MAP7D1: variants seen among roughly 807,000 people sequenced by gnomAD.
MAP7D1 encodes the protein MAP7 domain containing 1.
In MAP7D1, 30 loss-of-function variants were observed where a neutral mutation model predicts 97.5. The ratio of observed to expected loss-of-function variants is 0.31; its 90% CI spans 0.23 to 0.42. The LOEUF (loss-of-function observed/expected upper bound fraction) is 0.42, where lower values mean the gene tolerates loss of function less well. Ranked by LOEUF, MAP7D1 falls within the 10% of genes least tolerant of loss-of-function variation. The pLI is 1.00. For synonymous variants in MAP7D1, 536 were observed against 477.1 expected, an observed-to-expected ratio of 1.12 and a Z score of -1.61; for missense variants, 1,184 against 1,179.5, an observed-to-expected ratio of 1.00 and a Z score of -0.06.
intron 1 of MAP7D1, 152 bp downstream of exon 1, chr1:36,156,615 GCTC>G: frequency 1.7e-6 from 1 of 580,672 alleles, no homozygotes; most frequent in South Asian, 3.9e-5. Flanking sequence ...GGCGGCGGCG[GCTC>G]CAGGCTCGCG....
Position 36,171,501 on chromosome 1 carries a change from C to G in MAP7D1, c.392-12C>G, listed in dbSNP as rs1644542904. The G allele has an allele frequency of 3.7e-6, 6 of 1,613,928 alleles. No individual in the cohort carries two copies. Among genetic ancestry groups the G allele is most frequent in the African/African-American group, 1.3e-5 (1 of 74,926 alleles). ...GCCTTTTGACCTGTCTGTTCTTGTT[C>G]CCTCTGCTCAGAGGTGAAGAAGGCA... On this transcript the variant is annotated splice_polypyrimidine_tract_variant and intron_variant, in intron 2 of 16. Transcript: ENST00000474796.
chr1:36,168,790 G>C (rs1644504288), intron 1 of MAP7D1, among the ~76,000 whole-genome samples: 1 of 152,186 alleles, frequency 6.6e-6, no homozygotes, highest in African/African-American at 2.4e-5. Context: ...AGGGTATAAT[G>C]GGTAAGGACA....
chr1:36,178,700 G>T lies in MAP7D1; in HGVS notation c.1902G>T (p.Glu634Asp). The T allele has an allele frequency of 6.5e-7, 1 of 1,533,304 alleles. No individual in the cohort carries two copies. Among genetic ancestry groups the T allele is most frequent in the Non-Finnish European group, 8.8e-7 (1 of 1,140,422 alleles). 95.0% of individuals were successfully genotyped at this position (1,533,304 alleles called of 1,614,324 possible). The change falls in exon 11 of 17, where the codon GAG (glutamate) becomes GAT (aspartate). Residue 634 changes from glutamate (E) to aspartate (D), a missense_variant. By Grantham distance (45) the Glu-to-Asp change is conservative. Coordinates refer to ENST00000474796, the MANE Select transcript of MAP7D1 (RefSeq NM_001388490.1). ...CGTCCCCCAGGCGAATGCGAGAGGA[G>T]CAGCTGGCACGGGAGGCCGAGGCCC... ...QAERDKRMRE[E>D]QLAREAEARA...
chr1:36,172,506 A>G lies in MAP7D1; in HGVS notation c.503A>G (p.Lys168Arg), dbSNP rs1398876248. ...TGGCTGGAGAAGGAGGAGAAGGCCA[A>G]GGCGCTGCGGGAGAAGCAGCTCCAG... is the stretch of plus-strand genomic sequence containing the variant. ...AVWLEKEEKA[K>R]ALREKQLQER... Residue 168 changes from lysine to arginine, a missense_variant, in exon 4 of 17, where the codon AAG becomes AGG. Transcript: ENST00000474796. 6.2e-7 allele frequency: 1 copy of G among 1,601,380 alleles called. No homozygotes were observed. Among genetic ancestry groups the G allele is most frequent in the Non-Finnish European group, 8.5e-7 (1 of 1,171,072 alleles).
In MAP7D1 at chr1:36,176,085, C is replaced by T. The variant is rs1644614682; in HGVS notation, c.851-114C>T. The T allele has an allele frequency of 7.5e-6, 9 of 1,202,166 alleles. No individual in the cohort carries two copies. The highest frequency in any genetic ancestry group is 2.9e-5 in the South Asian group (2 of 68,162). 74.5% of individuals were successfully genotyped at this position (1,202,166 alleles called of 1,614,324 possible). A position where few individuals can be genotyped will look rare whatever the true frequency, so the allele number is the denominator to read the frequency against. ...CGGTGTGATTGTGGGGAGAGGACTC[C>T]CGGGTGAGAAGCCTTGGCCTTGGCA... On this transcript the variant is annotated intron_variant, in intron 6 of 16. Transcript: ENST00000474796. This position sits in a 1 kb window ranked among gnomAD's most constrained non-coding sequence, Gnocchi z 6.1.
chr1:36,163,854 A>G (rs1454129428), intron 1 of MAP7D1, among the ~76,000 whole-genome samples: 1 of 105,518 alleles, frequency 9.5e-6, no homozygotes, highest in Non-Finnish European at 1.7e-5. Flanking sequence ...TGGAGACAGC[A>G]TCTGATTCTG....
At position 36,178,603 on chromosome 1, in the gene MAP7D1, G is replaced by T; in HGVS notation, c.1886+7G>T. 6.4e-7 allele frequency: 1 copy of T among 1,570,468 alleles called. No individual in the cohort carries two copies. The highest frequency in any genetic ancestry group is 1.2e-5 in the South Asian group (1 of 86,824). Reference sequence around the variant, plus strand: ...TGCAGGCAGAAAGGGACAAGTGAGTGCGCCTCGGGGACTGAGGGGGCCCTC... The same window carrying T: ...TGCAGGCAGAAAGGGACAAGTGAGTTCGCCTCGGGGACTGAGGGGGCCCTC... On this transcript the variant is annotated splice_region_variant and intron_variant, in intron 10 of 16. Transcript: ENST00000474796.
chr1:36,167,113 T>C (rs1000682116), intron 1 of MAP7D1, among the ~76,000 whole-genome samples: 1 of 152,092 alleles, frequency 6.6e-6, no homozygotes, highest in Admixed American at 6.5e-5. Context: ...TGATGGTATT[T>C]AAATCTGTGA....
chr1:36,176,757 G>A lies in MAP7D1; in HGVS notation c.1294G>A (p.Ala432Thr), dbSNP rs1460885124. ...AAACGAGAAGGAGAAGAGTGCCCTA[G>A]CCCGGGAGCGCAGCCTCAAGAAGCG... is the stretch of plus-strand genomic sequence containing the variant. ...RENEKEKSAL[A>T]RERSLKKRQS... Residue 432 changes from alanine to threonine, a missense_variant, in exon 8 of 17, where the codon GCC becomes ACC. Coordinates refer to ENST00000474796, the MANE Select transcript of MAP7D1 (RefSeq NM_001388490.1). The surrounding 1 kb of genome is among the most constrained non-coding windows in gnomAD (Gnocchi z 6.1). The A allele has an allele frequency of 6.2e-7, 1 of 1,603,700 alleles. No individual in the cohort carries two copies. Among genetic ancestry groups the A allele is most frequent in the South Asian group, 1.1e-5 (1 of 89,146 alleles).
chr1:36,176,548 C>G lies in MAP7D1; in HGVS notation c.1200C>G (p.Pro400=). The change falls in exon 7 of 17, where the codon CCC becomes CCG. Residue 400 remains proline, a synonymous_variant. Coordinates refer to ENST00000474796, the MANE Select transcript of MAP7D1 (RefSeq NM_001388490.1). This position sits in a 1 kb window ranked among gnomAD's most constrained non-coding sequence, Gnocchi z 6.1. ...GCAAGCCCAACGCCGGGGGCAGCCCCGCTCCGGTGCGCCGCCGGCCGGAGG... is the reference window on the plus strand; with the variant it reads ...GCAAGCCCAACGCCGGGGGCAGCCCGGCTCCGGTGCGCCGCCGGCCGGAGG... ...ERRKPNAGGS[P]APVRRRPEAS... is the part of the protein sequence containing the mutation. The G allele has an allele frequency of 6.9e-7, 1 of 1,447,210 alleles. No homozygotes were observed. Among genetic ancestry groups the G allele is most frequent in the Non-Finnish European group, 9.1e-7 (1 of 1,099,774 alleles). 89.6% of individuals were successfully genotyped at this position (1,447,210 alleles called of 1,614,324 possible). A position where few individuals can be genotyped will look rare whatever the true frequency, so the allele number is the denominator to read the frequency against.
chr1:36,175,405 G>A (rs561090355), intron 6 of MAP7D1, among the ~76,000 whole-genome samples: 4 of 152,302 alleles, frequency 2.6e-5, no homozygotes, highest in Admixed American at 2.0e-4. Context: ...GGGTGCTGTG[G>A]GGTGGAGGGG....
chr1:36,179,713 G>A lies in MAP7D1; in HGVS notation c.2275G>A (p.Ala759Thr), dbSNP rs1171463365. ...TCGGTCCCCAGGGCTGCAGAAGGAG[G>A]CTGTGCAGAAAGAGGAGCCCATCCC... ...EARSPGLQKE[A>T]VQKEEPIPQE... Residue 759 changes from alanine to threonine, a missense_variant, in exon 15 of 17, where the codon GCT (alanine) becomes ACT (threonine). Physicochemically the swap from Ala to Thr is moderately conservative, Grantham distance 58. Transcript: ENST00000474796. The A allele has an allele frequency of 2.0e-6, 3 of 1,517,974 alleles. No homozygotes were observed. The highest frequency in any genetic ancestry group is 2.6e-5 in the South Asian group (2 of 75,578). The allele number at this position is 1,517,974 out of a possible 1,614,324, so 94.0% of individuals were successfully genotyped here. A position where few individuals can be genotyped will look rare whatever the true frequency, so the allele number is the denominator to read the frequency against.
chr1:36,156,390 C>T lies in MAP7D1; in HGVS notation c.-28C>T, dbSNP rs957999016. ...GCCGCCGCCGCCGCCGCCGCTGAGA[C>T]CCCGAGACCCCCAGTGACGCCGCAG... On this transcript the variant is annotated 5_prime_UTR_variant, in exon 1 of 17. Coordinates refer to ENST00000474796, the MANE Select transcript of MAP7D1 (RefSeq NM_001388490.1). 34 of 1,484,658 alleles carry T rather than the reference C, an allele frequency of 2.3e-5. No homozygotes were observed. Among genetic ancestry groups the T allele is most frequent in the African/African-American group, 4.4e-5 (3 of 68,342 alleles). 92.0% of individuals were successfully genotyped at this position (1,484,658 alleles called of 1,614,324 possible). A position where few individuals can be genotyped will look rare whatever the true frequency, so the allele number is the denominator to read the frequency against.
At chr1:36,156,627 C>CG (rs1644333897) in intron 1 of MAP7D1, among the ~76,000 whole-genome samples, 164 bp downstream of exon 1, 2 of 152,152 alleles carry the variant, frequency 1.3e-5, no homozygotes, top group South Asian at 4.1e-4. Flanking sequence ...TCCAGGCTCG[C>CG]GATGCATCCT....
chr1:36,171,947 A>C lies in MAP7D1; in HGVS notation c.460+366A>C, dbSNP rs1308987139. 5 of 219,446 alleles carry C rather than the reference A, an allele frequency of 2.3e-5. 1 individual carries two copies. The highest frequency in any genetic ancestry group is 9.3e-5 in the African/African-American group (4 of 42,996). The allele number at this position is 219,446 out of a possible 1,614,324, so 13.6% of individuals were successfully genotyped here. A position where few individuals can be genotyped will look rare whatever the true frequency, so the allele number is the denominator to read the frequency against. ...AAAACTCCGTCTCAAAAAAAAAAAA[A>C]AAAAAAAAAAACCAACACTTCTGCA... On this transcript the variant is annotated intron_variant, in intron 3 of 16. Coordinates refer to ENST00000474796, the MANE Select transcript of MAP7D1 (RefSeq NM_001388490.1).
In MAP7D1 at chr1:36,176,927, A is replaced by G; in HGVS notation, c.1379+85A>G. ...AAATATTTGTTGGGCAACCACCTCT[A>G]GAATGCAACTTCCCTGAGGGCAGAT... is the stretch of plus-strand genomic sequence containing the variant. On this transcript the variant is annotated intron_variant, in intron 8 of 16. Coordinates refer to ENST00000474796, the MANE Select transcript of MAP7D1 (RefSeq NM_001388490.1). The surrounding 1 kb of genome is among the most constrained non-coding windows in gnomAD (Gnocchi z 6.1). 1.7e-6 allele frequency: 2 copies of G among 1,165,184 alleles called. No homozygotes were observed. The highest frequency in any genetic ancestry group is 1.2e-6 in the Non-Finnish European group (1 of 815,008). 72.2% of individuals were successfully genotyped at this position (1,165,184 alleles called of 1,614,324 possible). A position where few individuals can be genotyped will look rare whatever the true frequency, so the allele number is the denominator to read the frequency against.
chr1:36,169,567 A>AG (rs1453120718), intron 1 of MAP7D1, among the ~76,000 whole-genome samples: 3 of 152,164 alleles, frequency 2.0e-5, no homozygotes, highest in Non-Finnish European at 4.4e-5. Context: ...AAAAAAAAAA[A>AG]AAAGAAAAAT....
chr1:36,180,364 C>G lies in MAP7D1; in HGVS notation c.*106C>G. The G allele has an allele frequency of 6.5e-7, 1 of 1,527,306 alleles. No homozygotes were observed. Among genetic ancestry groups the G allele is most frequent in the Non-Finnish European group, 9.1e-7 (1 of 1,101,392 alleles). 94.6% of individuals were successfully genotyped at this position (1,527,306 alleles called of 1,614,324 possible). A position where few individuals can be genotyped will look rare whatever the true frequency, so the allele number is the denominator to read the frequency against. ...GAACAAAGATGGAAGTGGCCTGGGC[C>G]CCTGGGGGTGGGTCCTCTCTGTTGT... On this transcript the variant is annotated 3_prime_UTR_variant, in exon 17 of 17. Transcript: ENST00000474796.
At position 36,158,002 on chromosome 1, in the gene MAP7D1, T is replaced by C. The variant is rs149617322; in HGVS notation, c.46+1539T>C. 5.0e-3 allele frequency among the ~76,000 whole-genome samples: 756 copies of C among 152,098 alleles called. 5 individuals carry two copies. Among genetic ancestry groups the C allele is most frequent in the African/African-American group, 0.017 (723 of 41,466 alleles). On this transcript the variant is annotated intron_variant, in intron 1 of 16. Transcript: ENST00000474796. ...CTCTGCACCTGAGGGCCTCTGGCAC[T>C]GGATAGTTGGGGGCCTGAATGGGGG...
Sources: gnomAD v4.1 joint callset for allele counts (sites outside exome capture counted in the v4.1 genomes callset) on GRCh38, gnomAD v4.1.1 for gene constraint, Gnocchi (gnomAD v3.1) non-coding constraint, MANE v1.5 for transcripts, NCBI Gene and HGNC (gene_info 2026-07-23, HGNC 2026-07-21) for gene names.